Variants in FCHSD2 observed in about 807,000 individuals in gnomAD.
FCHSD2 encodes FCH and double SH3 domains 2.
A neutral mutation model predicts 108.1 loss-of-function variants in FCHSD2; 38 were observed. The ratio of observed to expected loss-of-function variants is 0.35; its 90% CI spans 0.27 to 0.46. The LOEUF (loss-of-function observed/expected upper bound fraction) is 0.46. Ranked by LOEUF, FCHSD2 falls within the 20% of genes least tolerant of loss-of-function variation. FCHSD2 has a pLI of 1.00. For synonymous variants in FCHSD2, 279 were observed against 314.7 expected (o/e 0.89, Z 1.20); for missense variants, 751 against 897.8 (o/e 0.84, Z 2.09).
At chr11:73,026,335 A>G (rs1858228840) in intron 3 of FCHSD2, among the ~76,000 whole-genome samples, 1 of 152,192 alleles carries the variant, frequency 6.6e-6, no homozygotes, top group Non-Finnish European at 1.5e-5. Context: ...TACTGGATTC[A>G]GGATTTTGCT....
At chr11:73,120,253 T>C (rs546272149) in intron 2 of FCHSD2, among the ~76,000 whole-genome samples, 33 of 152,354 alleles carry the variant, frequency 2.2e-4, no homozygotes, top group African/African-American at 7.7e-4. Context: ...TCCTTGTATA[T>C]TTATTGAACT....
intron 8 of FCHSD2, among the ~76,000 whole-genome samples, chr11:72,953,936 A>G (rs1233991559): frequency 1.3e-5 from 2 of 152,160 alleles, no homozygotes; most frequent in Non-Finnish European, 2.9e-5. Context: ...ACAGTGAGGG[A>G]AGGGATAGTA....
At chr11:73,046,041 A>T (rs936472558) in intron 3 of FCHSD2, among the ~76,000 whole-genome samples, 12 of 149,058 alleles carry the variant, frequency 8.1e-5, no homozygotes, top group African/African-American at 3.0e-4. Flanking sequence ...CCTAGGCTGA[A>T]GTGCAGTGGC....
chr11:72,951,912 T>C (rs1565338689), intron 8 of FCHSD2, among the ~76,000 whole-genome samples: 1 of 152,222 alleles, frequency 6.6e-6, no homozygotes. Context: ...GAAAATCCTA[T>C]TTGACAAGAA....
chr11:72,999,888 A>ACAC (rs1857593151), intron 5 of FCHSD2, among the ~76,000 whole-genome samples: 1 of 102,806 alleles, frequency 9.7e-6, no homozygotes, highest in African/African-American at 3.5e-5. Flanking sequence ...CACACACACA[A>ACAC]ACACACACAC....
chr11:72,967,423 A>G (rs1474190083), intron 8 of FCHSD2, among the ~76,000 whole-genome samples: 1 of 152,188 alleles, frequency 6.6e-6, no homozygotes, highest in African/African-American at 2.4e-5. Flanking sequence ...ACTATTATTC[A>G]GGTACAAAAA....
At chr11:73,052,409 T>G (rs2135477488) in intron 3 of FCHSD2, among the ~76,000 whole-genome samples, 1 of 152,284 alleles carries the variant, frequency 6.6e-6, no homozygotes, top group Non-Finnish European at 1.5e-5. Context: ...GGTATAATTT[T>G]TTTTTTAAAA....
intron 3 of FCHSD2, among the ~76,000 whole-genome samples, chr11:73,032,416 G>A (rs1858382293): frequency 6.6e-6 from 1 of 152,016 alleles, no homozygotes; most frequent in Non-Finnish European, 1.5e-5. Flanking sequence ...TATAGAGACA[G>A]GGTCTCACTT....
chr11:73,105,144 C>T (rs1860312559), intron 2 of FCHSD2, among the ~76,000 whole-genome samples: 1 of 152,040 alleles, frequency 6.6e-6, no homozygotes, highest in Non-Finnish European at 1.5e-5. Context: ...CAAATCAGGG[C>T]AATTAAAAGA....
chr11:72,846,131 A>G lies in FCHSD2; in HGVS notation c.1444-2599T>C, dbSNP rs536789665. On this transcript the variant is annotated intron_variant, in intron 14 of 19. Transcript: ENST00000409418. The stretch of plus-strand genomic sequence containing the variant: ...TTACTTTTGACTTGAGACTGAGCGC[A>G]TATGTTTTCCCAGACTACTCATGAT... 5.9e-5 allele frequency among the ~76,000 whole-genome samples: 9 copies of G among 151,576 alleles called. No individual in the cohort carries two copies. In the East Asian group the frequency reaches 1.7e-3, roughly 29 times the overall value.
At chr11:72,998,085 AG>A (rs1445374811) in intron 5 of FCHSD2, among the ~76,000 whole-genome samples, 2 of 152,250 alleles carry the variant, frequency 1.3e-5, no homozygotes, top group South Asian at 2.1e-4. Flanking sequence ...CAGAGAAAAA[AG>A]GGTGGAAAAC....
intron 1 of FCHSD2, among the ~76,000 whole-genome samples, chr11:73,141,653 A>G (rs1466265700): frequency 6.6e-6 from 1 of 152,110 alleles, no homozygotes; most frequent in Non-Finnish European, 1.5e-5. Flanking sequence ...GCGTTAGAGG[A>G]CGGACGAGCC....
chr11:73,031,448 G>C (rs1858358581), intron 3 of FCHSD2, among the ~76,000 whole-genome samples: 1 of 152,010 alleles, frequency 6.6e-6, no homozygotes, highest in Admixed American at 6.6e-5. Context: ...TCCAGCCTGG[G>C]TGACAGAACA....
chr11:72,855,380 G>A (rs915550951), intron 13 of FCHSD2, among the ~76,000 whole-genome samples: 10 of 151,544 alleles, frequency 6.6e-5, no homozygotes, highest in Non-Finnish European at 1.5e-4. Context: ...GGAGGCTGAG[G>A]CAGGAGAATC....
At chr11:72,907,424 G>A (rs1242642549) in intron 9 of FCHSD2, among the ~76,000 whole-genome samples, 3 of 147,452 alleles carry the variant, frequency 2.0e-5, no homozygotes, top group Non-Finnish European at 4.6e-5. Context: ...TTTTCAAAGG[G>A]AATGCTTCCA....
intron 2 of FCHSD2, among the ~76,000 whole-genome samples, chr11:73,112,241 A>G (rs1860502781): frequency 6.6e-6 from 1 of 152,112 alleles, no homozygotes; most frequent in Non-Finnish European, 1.5e-5. Flanking sequence ...TTAATGTTTG[A>G]AGGATATTTT....
intron 14 of FCHSD2, among the ~76,000 whole-genome samples, chr11:72,846,051 AATAG>A (rs919967621): frequency 6.0e-4 from 67 of 111,926 alleles, no homozygotes; most frequent in African/African-American, 2.4e-3. Context: ...ATTACAAATA[AATAG>A]ATAGATAGAT....
chr11:72,964,946 C>T (rs1467890771), intron 8 of FCHSD2, among the ~76,000 whole-genome samples: 1 of 152,042 alleles, frequency 6.6e-6, no homozygotes, highest in Non-Finnish European at 1.5e-5. Flanking sequence ...CCCGCCACCA[C>T]ACCCGGCTAA....
chr11:72,880,090 C>T (rs984702729), intron 12 of FCHSD2, among the ~76,000 whole-genome samples: 23 of 98,216 alleles, frequency 2.3e-4, no homozygotes, highest in African/African-American at 8.4e-4. Context: ...CAAACAAAAA[C>T]CACCCAAAAA....
Sources: allele counts gnomAD v4.1 joint callset (sites outside exome capture counted in the v4.1 genomes callset), GRCh38; gene constraint gnomAD v4.1.1; transcripts MANE v1.5; gene names NCBI Gene and HGNC (gene_info 2026-07-23, HGNC 2026-07-21).